Variants in HIVEP3 observed in about 807,000 individuals in gnomAD.
HIVEP3 encodes the protein HIVEP zinc finger 3, also known as transcription factor HIVEP3.
HIVEP3 carries 49 observed loss-of-function variants against 152.8 expected under a neutral mutation model. The observed-to-expected ratio is 0.32, with a 90% CI of 0.26 to 0.41. HIVEP3 has a LOEUF of 0.41. Among genes scored for constraint, HIVEP3 ranks in the 10% least tolerant of loss-of-function variants. The pLI, the probability that HIVEP3 is intolerant of heterozygous loss-of-function variation, is 1.00. For synonymous variants in HIVEP3, 1,269 were observed against 1,289.0 expected (o/e 0.98, Z 0.33); for missense variants, 2,790 against 3,103.3 (o/e 0.90, Z 2.40).
chr1:41,662,566 G>T lies in HIVEP3; in HGVS notation c.-720-33619C>A, dbSNP rs1645733417. On this transcript the variant is annotated intron_variant, in intron 2 of 8. Coordinates refer to ENST00000372583, the MANE Select transcript of HIVEP3 (RefSeq NM_024503.5). This position sits in a 1 kb window ranked among gnomAD's most constrained non-coding sequence, Gnocchi z 7.2. The stretch of plus-strand genomic sequence containing the variant: ...CCGGGATGCCTTCGCGGCCGGGGTC[G>T]CAGATGGGCCCGGGCGCGGCTGGCG... Among the ~76,000 whole-genome samples, 1 of 150,762 alleles carries T rather than the reference G, an allele frequency of 6.6e-6. No homozygotes were observed. Among genetic ancestry groups the T allele is most frequent in the South Asian group, 2.1e-4 (1 of 4,802 alleles).
At chr1:41,684,288 T>C (rs914596277) in intron 2 of HIVEP3, among the ~76,000 whole-genome samples, 1 of 152,204 alleles carries the variant, frequency 6.6e-6, no homozygotes, top group Non-Finnish European at 1.5e-5. Flanking sequence ...GTCACCACTT[T>C]GTTAGTCCAA....
chr1:41,990,647 G>A (rs569268552), intron 1 of HIVEP3, among the ~76,000 whole-genome samples: 122 of 150,794 alleles, frequency 8.1e-4, no homozygotes, highest in East Asian at 1.2e-3. Flanking sequence ...TGCACCAAGC[G>A]GACCTAATAG....
Position 41,524,792 on chromosome 1 carries a change from G to C in HIVEP3, c.5326C>G (p.His1776Asp). The C allele has an allele frequency of 6.2e-7, 1 of 1,614,180 alleles. No individual in the cohort carries two copies. Among genetic ancestry groups the C allele is most frequent in the Non-Finnish European group, 8.5e-7 (1 of 1,180,028 alleles). Residue 1776 changes from histidine to aspartate, a missense_variant, in exon 6 of 9, where the codon CAC becomes GAC. His to Asp is a moderately conservative substitution (Grantham distance 81, BLOSUM62 -1). Transcript: ENST00000372583. ...PSMLKKHIRT[H>D]TDVRPYVCKH... ...CACACATAGGGCCGGACGTCAGTGT[G>C]GGTGCGGATGTGTTTCTTCAGCATG...
At chr1:41,738,108 G>T (rs1646945148) in intron 1 of HIVEP3, among the ~76,000 whole-genome samples, 1 of 152,232 alleles carries the variant, frequency 6.6e-6, no homozygotes, top group African/African-American at 2.4e-5. Flanking sequence ...GGAGGGCAGG[G>T]TCCTCTTCCA....
In HIVEP3 at chr1:41,809,011, G is replaced by A. The variant is rs1335951866; in HGVS notation, c.-800-108016C>T. Among the ~76,000 whole-genome samples the A allele has an allele frequency of 2.0e-5, 3 of 152,188 alleles. No individual in the cohort carries two copies. The East Asian group carries it at 5.8e-4, about 29-fold the overall frequency. ...TCAGAAAAGTTAAGTAACCTTCCCAGGGTCATACAGCTGATGCTTCAGAAT... is the reference window on the plus strand; with the variant it reads ...TCAGAAAAGTTAAGTAACCTTCCCAAGGTCATACAGCTGATGCTTCAGAAT... On this transcript the variant is annotated intron_variant, in intron 1 of 8. Coordinates refer to ENST00000372583, the MANE Select transcript of HIVEP3 (RefSeq NM_024503.5).
chr1:41,854,146 CCTCTCTCT>C (rs143354235), intron 1 of HIVEP3, among the ~76,000 whole-genome samples: 2,087 of 149,398 alleles, frequency 0.014, 43 homozygotes, highest in African/African-American at 0.048. Flanking sequence ...TGTCCCACCT[CCTCTCTCT>C]CTCTCTCTCT....
chr1:41,820,042 T>C (rs1642544145), intron 1 of HIVEP3, among the ~76,000 whole-genome samples: 2 of 152,126 alleles, frequency 1.3e-5, no homozygotes, highest in South Asian at 4.1e-4. Context: ...AATAAAACTT[T>C]ATTGACAAAA....
At chr1:41,767,948 C>A (rs1022008065) in intron 1 of HIVEP3, among the ~76,000 whole-genome samples, 18 of 152,336 alleles carry the variant, frequency 1.2e-4, no homozygotes, top group African/African-American at 4.1e-4. Flanking sequence ...TTCCTTATAA[C>A]AATCCTTCAT....
chr1:41,673,066 C>T (rs556173514), intron 2 of HIVEP3, among the ~76,000 whole-genome samples: 7 of 152,314 alleles, frequency 4.6e-5, no homozygotes, highest in South Asian at 4.1e-4. Context: ...TTGAAAAATA[C>T]GGCACAGCTT....
chr1:41,920,585 T>TTTG (rs1644934299), upstream of HIVEP3, among the ~76,000 whole-genome samples: 1 of 129,140 alleles, frequency 7.7e-6, no homozygotes, highest in Non-Finnish European at 1.8e-5. Context: ...TGGTTTTTTT[T>TTTG]TTTTTGTTTT....
intron 5 of HIVEP3, among the ~76,000 whole-genome samples, chr1:41,526,378 T>A: frequency 1.3e-5 from 1 of 79,460 alleles, no homozygotes; most frequent in South Asian, 5.1e-4. Flanking sequence ...CCTCACACGC[T>A]CGCCCTCACA....
intron 1 of HIVEP3, among the ~76,000 whole-genome samples, chr1:42,032,136 G>C (rs544741936): frequency 2.0e-5 from 3 of 152,140 alleles, no homozygotes; most frequent in Non-Finnish European, 4.4e-5. Context: ...AGAAAAAAGC[G>C]CAGCCAATGC....
intron 1 of HIVEP3, among the ~76,000 whole-genome samples, chr1:41,885,672 T>C (rs931525762): frequency 2.0e-5 from 3 of 151,564 alleles, no homozygotes; most frequent in Non-Finnish European, 4.4e-5. Context: ...AAAAATAAAA[T>C]AAAATCCTTC....
chr1:41,820,280 G>C (rs912970254), intron 1 of HIVEP3, among the ~76,000 whole-genome samples: 1 of 152,170 alleles, frequency 6.6e-6, no homozygotes, highest in Admixed American at 6.5e-5. Flanking sequence ...GTACAAACAA[G>C]GTCAGAATTG....
At chr1:41,790,462 T>G (rs562404898) in intron 1 of HIVEP3, among the ~76,000 whole-genome samples, 1 of 152,342 alleles carries the variant, frequency 6.6e-6, no homozygotes, top group African/African-American at 2.4e-5. Flanking sequence ...CCTCGCATAT[T>G]ACTTTATAGC....
chr1:41,534,605 G>C (rs1301052244), intron 5 of HIVEP3, among the ~76,000 whole-genome samples: 1 of 152,320 alleles, frequency 6.6e-6, no homozygotes, highest in East Asian at 1.9e-4. Flanking sequence ...TCATCCCTGC[G>C]CGGGTGAGGA....
intron 1 of HIVEP3, among the ~76,000 whole-genome samples, chr1:41,794,544 G>A (rs146260860): frequency 9.2e-4 from 140 of 152,208 alleles, no homozygotes; most frequent in African/African-American, 3.2e-3. Flanking sequence ...GCTCTTAACA[G>A]TGGTTGTTTA....
chr1:41,531,213 G>C (rs1558034572), intron 5 of HIVEP3, among the ~76,000 whole-genome samples: 2 of 148,460 alleles, frequency 1.3e-5, no homozygotes. Context: ...AGAGATAGAG[G>C]ACAGGAGAGA....
intron 1 of HIVEP3, among the ~76,000 whole-genome samples, chr1:41,808,487 G>T (rs1053453401): frequency 6.6e-6 from 1 of 152,216 alleles, no homozygotes; most frequent in Non-Finnish European, 1.5e-5. Flanking sequence ...AGTCCAGTTT[G>T]GGCTGGGAAC....
Sources: gnomAD v4.1 joint callset for allele counts (sites outside exome capture counted in the v4.1 genomes callset) on GRCh38, gnomAD v4.1.1 for gene constraint, Gnocchi (gnomAD v3.1) non-coding constraint, MANE v1.5 for transcripts, NCBI Gene and HGNC (gene_info 2026-07-23, HGNC 2026-07-21) for gene names.